SLC29A3: variants seen among roughly 807,000 people sequenced by gnomAD.
The protein encoded by SLC29A3 is solute carrier family 29 member 3, also known as equilibrative nucleoside transporter 3.
SLC29A3 carries 18 observed loss-of-function variants against 25.4 expected under a neutral mutation model. The ratio of observed to expected loss-of-function variants is 0.71; its 90% confidence interval spans 0.49 to 1.05. The LOEUF is 1.05. SLC29A3 is among the 50% of genes least tolerant of loss of function. The pLI is 0.00. For missense variants in SLC29A3, 586 were observed against 609.0 expected, an observed-to-expected ratio of 0.96 and a Z score of 0.40; for synonymous variants, 258 against 267.1, an observed-to-expected ratio of 0.97 and a Z score of 0.33.
chr10:71,361,019 T>A (rs182567273), intron 5 of SLC29A3, among the ~76,000 whole-genome samples: 1 of 152,390 alleles, frequency 6.6e-6, no homozygotes, highest in East Asian at 1.9e-4. Flanking sequence ...CATTACACTG[T>A]TGCAGAAAGT....
intron 3 of SLC29A3, among the ~76,000 whole-genome samples, chr10:71,375,064 C>T (rs888784782): frequency 4.6e-5 from 7 of 152,200 alleles, no homozygotes; most frequent in African/African-American, 1.7e-4. Flanking sequence ...GGTGGGAGTA[C>T]AGAAGTAGCA....
exon 5 of SLC29A3, chr10:71,379,813 A>G (rs563467093): frequency 6.6e-6 from 1 of 152,308 alleles, no homozygotes; most frequent in African/African-American, 2.4e-5. Flanking sequence ...CACTTTGGAA[A>G]AATCCCGAGT....
rs149431507 is a variant in SLC29A3 at position 71,356,194 on chromosome 10, G to A, written c.724G>A (p.Val242Met). 49 of 1,614,000 alleles carry A rather than the reference G, an allele frequency of 3.0e-5. No individual in the cohort carries two copies. Among genetic ancestry groups the A allele is most frequent in the African/African-American group, 2.8e-4 (21 of 74,922 alleles). Reference sequence around the variant, plus strand: ...CTTCCTGACGGCCACTGTCTTCCTCGTGCTCTGCATGGGACTCTACCTGCT... The same window carrying A: ...CTTCCTGACGGCCACTGTCTTCCTCATGCTCTGCATGGGACTCTACCTGCT... ...AFFLTATVFL[V>M]LCMGLYLLLS... The change falls in exon 5 of 6, where the codon GTG (valine) becomes ATG (methionine). Residue 242 changes from valine (V) to methionine (M), a missense_variant. Val to Met is a conservative substitution (Grantham distance 21, BLOSUM62 1). Coordinates refer to ENST00000373189, the MANE Select transcript of SLC29A3 (RefSeq NM_018344.6).
intron 5 of SLC29A3, among the ~76,000 whole-genome samples, chr10:71,357,724 C>T (rs1440888193): frequency 1.3e-5 from 2 of 152,190 alleles, no homozygotes. Flanking sequence ...TTTCTGTCTC[C>T]AGTTCCTCCT....
chr10:71,324,962 C>T (rs1317291251), intron 2 of SLC29A3, among the ~76,000 whole-genome samples: 8 of 152,182 alleles, frequency 5.3e-5, no homozygotes, highest in Non-Finnish European at 8.8e-5. Flanking sequence ...CAGGAGCCTC[C>T]GTTTCCACGG....
At chr10:71,336,133 C>T (rs916852982) in intron 2 of SLC29A3, among the ~76,000 whole-genome samples, 2 of 152,182 alleles carry the variant, frequency 1.3e-5, no homozygotes, top group Admixed American at 6.5e-5. Flanking sequence ...TGGCTCATGG[C>T]AGCATCACTG....
intron 3 of SLC29A3, 143 bp downstream of exon 3, chr10:71,344,434 A>G: frequency 1.4e-6 from 1 of 711,004 alleles, no homozygotes; most frequent in South Asian, 1.5e-5. Flanking sequence ...TTATGCATGA[A>G]GAGTGAGAAG....
chr10:71,320,263 G>A (rs910353602), intron 1 of SLC29A3, among the ~76,000 whole-genome samples: 4 of 152,116 alleles, frequency 2.6e-5, no homozygotes, highest in African/African-American at 4.8e-5. Context: ...ACCACTTGCC[G>A]GTTCTCTCTT....
rs938390533 is a variant in SLC29A3, at chr10:71,363,332, T to G, written c.*724T>G. Reference sequence around the variant, plus strand: ...ATGAGGGTCTTTCAGTGTTCCTGTTTACAACATGTCAAAGCCATTGGTTCA... The same window carrying G: ...ATGAGGGTCTTTCAGTGTTCCTGTTGACAACATGTCAAAGCCATTGGTTCA... On this transcript the variant is annotated 3_prime_UTR_variant, in exon 6 of 6. Coordinates refer to ENST00000373189, the MANE Select transcript of SLC29A3 (RefSeq NM_018344.6). 1 of 454,144 alleles carries G rather than the reference T, an allele frequency of 2.2e-6. No homozygotes were observed. The highest frequency in any genetic ancestry group is 2.3e-5 in the Admixed American group (1 of 42,576). The allele number at this position is 454,144 out of a possible 1,614,324, so 28.1% of individuals were successfully genotyped here. A position where few individuals can be genotyped will look rare whatever the true frequency, so the allele number is the denominator to read the frequency against.
At chr10:71,333,177 G>T (rs188093996) in intron 2 of SLC29A3, among the ~76,000 whole-genome samples, 69 of 152,348 alleles carry the variant, frequency 4.5e-4, no homozygotes, top group South Asian at 3.1e-3. Flanking sequence ...TTTGACACAG[G>T]CAGGCAGCCT....
At chr10:71,339,628 G>C (rs189893324) in intron 2 of SLC29A3, among the ~76,000 whole-genome samples, 77 of 152,270 alleles carry the variant, frequency 5.1e-4, no homozygotes, top group African/African-American at 1.7e-3. Flanking sequence ...AGGAGGGGCT[G>C]TTGGTGCTAA....
intron 2 of SLC29A3, among the ~76,000 whole-genome samples, chr10:71,337,701 C>T (rs1308802212): frequency 6.6e-6 from 1 of 152,238 alleles, no homozygotes; most frequent in East Asian, 1.9e-4. Flanking sequence ...GAAAGCTTAA[C>T]CAGGGTCTGC....
chr10:71,353,758 C>T (rs1048939269), intron 4 of SLC29A3, among the ~76,000 whole-genome samples: 2 of 152,142 alleles, frequency 1.3e-5, no homozygotes, highest in Non-Finnish European at 2.9e-5. Context: ...ATTCCGCACG[C>T]GTTGGCATCT....
At chr10:71,372,200 G>A (rs566708867) in intron 3 of SLC29A3, among the ~76,000 whole-genome samples, 3 of 152,334 alleles carry the variant, frequency 2.0e-5, no homozygotes, top group South Asian at 4.1e-4. Context: ...CAGATTTCCA[G>A]AGAAATAGAG....
chr10:71,322,719 A>T (rs981301868), intron 1 of SLC29A3, 37 bp from the exon 2 acceptor site: 2 of 1,613,060 alleles, frequency 1.2e-6, no homozygotes, highest in African/African-American at 2.7e-5. Flanking sequence ...GTTTCTACTC[A>T]CCTACCCTGT....
At chr10:71,342,712 C>G (rs1846443288) in intron 2 of SLC29A3, among the ~76,000 whole-genome samples, 1 of 152,240 alleles carries the variant, frequency 6.6e-6, no homozygotes, top group South Asian at 2.1e-4. Context: ...GGCCCAGCCA[C>G]TGTGTCAAGA....
At chr10:71,338,627 T>C (rs1846314877) in intron 2 of SLC29A3, among the ~76,000 whole-genome samples, 1 of 152,050 alleles carries the variant, frequency 6.6e-6, no homozygotes, top group South Asian at 2.1e-4. Context: ...TGTGGTATTG[T>C]ACGCCTGTAA....
At chr10:71,340,992 C>G (rs184018453) in intron 2 of SLC29A3, among the ~76,000 whole-genome samples, 1 of 152,180 alleles carries the variant, frequency 6.6e-6, no homozygotes, top group Admixed American at 6.5e-5. Context: ...GCAGCACACA[C>G]GGAACACCTT....
At chr10:71,375,683 T>C (rs965602644) in intron 3 of SLC29A3, 3 of 152,180 alleles carry the variant, frequency 2.0e-5, no homozygotes, top group African/African-American at 7.2e-5. Context: ...ACTAATATTA[T>C]TCATTTCATA....
Sources: allele counts gnomAD v4.1 joint callset (sites outside exome capture counted in the v4.1 genomes callset), GRCh38; gene constraint gnomAD v4.1.1; transcripts MANE v1.5; gene names NCBI Gene and HGNC (gene_info 2026-07-23, HGNC 2026-07-21).